AMMECR1: variants seen among roughly 807,000 people sequenced by gnomAD.
The protein encoded by AMMECR1 is AMMECR nuclear protein 1, also known as nuclear protein AMMECR1.
Under a neutral mutation model 22.5 loss-of-function variants are expected in AMMECR1, and 3 were observed. That is an observed-to-expected ratio of 0.13 (90% CI 0.06 to 0.35). The LOEUF (loss-of-function observed/expected upper bound fraction) is 0.35. Ranked by LOEUF, AMMECR1 falls within the 10% of genes least tolerant of loss-of-function variation. AMMECR1 has a pLI of 1.00. For synonymous variants in AMMECR1, 130 were observed against 116.7 expected, an observed-to-expected ratio of 1.11 and a Z score of -0.74; for missense variants, 235 against 278.7, an observed-to-expected ratio of 0.84 and a Z score of 1.12.
intron 2 of AMMECR1, among the ~76,000 whole-genome samples, chrX:110,420,011 G>T (rs2068705552): frequency 9.0e-6 from 1 of 111,483 alleles, no homozygotes; most frequent in African/African-American, 3.3e-5. Flanking sequence ...GTTAAGAAAA[G>T]TGCCCAAGGT....
rs755663770 is a variant in AMMECR1 at position 110,432,614 on chromosome X, G to A, written c.-293-5811C>T. ...TGTATTGTGTGCTGGCTGCAGCCTC[G>A]CTGCTCTGAAACCCCTCCTGTCCCT... On this transcript the variant is annotated intron_variant, in intron 1 of 7. Transcript: ENST00000372057. Among the ~76,000 whole-genome samples the A allele has an allele frequency of 4.5e-4, 50 of 111,900 alleles. 1 individual carries two copies. The highest frequency in any genetic ancestry group is 8.6e-4 in the Non-Finnish European group (46 of 53,182).
Position 110,197,914 on chromosome X carries a change from C to T in AMMECR1, c.*606G>A, listed in dbSNP as rs1273517798. 4 of 111,721 alleles carry T rather than the reference C, an allele frequency of 3.6e-5. No individual in the cohort carries two copies. The highest frequency in any genetic ancestry group is 7.5e-5 in the Non-Finnish European group (4 of 53,051). The allele number at this position is 111,721 out of a possible 1,213,427, so 9.2% of individuals were successfully genotyped here. A position where few individuals can be genotyped will look rare whatever the true frequency, so the allele number is the denominator to read the frequency against. On this transcript the variant is annotated 3_prime_UTR_variant, in exon 6 of 6. Transcript: ENST00000262844. ...TCATGTATTTTCACCATGGGAAAAA[C>T]ATATACTTAAGGAGTGAAGACCCAA...
intron 2 of AMMECR1, among the ~76,000 whole-genome samples, chrX:110,369,310 C>T (rs1023413455): frequency 1.4e-4 from 15 of 109,490 alleles, no homozygotes; most frequent in African/African-American, 5.0e-4. Flanking sequence ...ACAGCCTGGG[C>T]GACAGAGCAA....
At chrX:110,282,797 A>G (rs756430305) in intron 1 of AMMECR1, among the ~76,000 whole-genome samples, 82 of 111,781 alleles carry the variant, frequency 7.3e-4, no homozygotes, top group African/African-American at 2.4e-3. Context: ...CAAGGAGGAA[A>G]GCAAGCATTA....
At chrX:110,283,876 C>T (rs1038245092) in intron 1 of AMMECR1, among the ~76,000 whole-genome samples, 1 of 111,826 alleles carries the variant, frequency 8.9e-6, no homozygotes, top group Non-Finnish European at 1.9e-5. Context: ...AATCCCAATA[C>T]TTTGGGAGGC....
chrX:110,328,414 G>A (rs1029083838), intron 2 of AMMECR1, among the ~76,000 whole-genome samples: 20 of 102,026 alleles, frequency 2.0e-4, no homozygotes, highest in African/African-American at 5.4e-4. Context: ...TAAAACAAAC[G>A]TCTATTTCCT....
chrX:110,275,902 T>C (rs1347289292), intron 1 of AMMECR1, among the ~76,000 whole-genome samples: 2 of 111,674 alleles, frequency 1.8e-5, no homozygotes, highest in African/African-American at 6.5e-5. Flanking sequence ...TTTGGATACA[T>C]TGAGCTTCTT....
intron 2 of AMMECR1, chrX:110,359,027 T>C (rs1057246000): frequency 2.7e-5 from 3 of 112,026 alleles, no homozygotes; most frequent in Non-Finnish European, 5.6e-5. Context: ...CCTTTACATC[T>C]TATAACACTT....
At chrX:110,264,410 G>C in intron 2 of AMMECR1, 79 bp downstream of exon 2, 1 of 535,757 alleles carries the variant, frequency 1.9e-6, no homozygotes, top group South Asian at 3.4e-5. Context: ...TTCAGTAAAA[G>C]GAGTTAAAGT....
chrX:110,385,916 A>G (rs750549482), intron 2 of AMMECR1, among the ~76,000 whole-genome samples: 1 of 112,069 alleles, frequency 8.9e-6, no homozygotes, highest in Non-Finnish European at 1.9e-5. Context: ...AGAACATAGC[A>G]TAATGTTTTT....
chrX:110,379,746 A>G (rs2068405400), intron 2 of AMMECR1, among the ~76,000 whole-genome samples: 1 of 112,039 alleles, frequency 8.9e-6, no homozygotes, highest in Non-Finnish European at 1.9e-5. Context: ...TCATTTAGAC[A>G]GACTTCCCAA....
chrX:110,378,269 T>C (rs1450731148), intron 2 of AMMECR1, among the ~76,000 whole-genome samples: 1 of 111,165 alleles, frequency 9.0e-6, no homozygotes, highest in Non-Finnish European at 1.9e-5. Flanking sequence ...TTTTAATAGA[T>C]GTTTATTTTC....
chrX:110,230,394 G>C (rs1372793145), intron 2 of AMMECR1, among the ~76,000 whole-genome samples: 1 of 112,164 alleles, frequency 8.9e-6, no homozygotes, highest in Non-Finnish European at 1.9e-5. Context: ...ACAGGGTCTG[G>C]AGTGGAACTC....
At chrX:110,244,379 T>C (rs1602820451) in intron 2 of AMMECR1, among the ~76,000 whole-genome samples, 1 of 111,673 alleles carries the variant, frequency 9.0e-6, no homozygotes, top group Non-Finnish European at 1.9e-5. Flanking sequence ...TTCTCATATA[T>C]ATTTCTCTGT....
intron 2 of AMMECR1, among the ~76,000 whole-genome samples, chrX:110,375,827 G>C (rs1178424419): frequency 1.8e-5 from 2 of 112,002 alleles, no homozygotes; most frequent in Non-Finnish European, 3.8e-5. Context: ...AAAAGTATAA[G>C]ACATTTTGAG....
intron 3 of AMMECR1, among the ~76,000 whole-genome samples, chrX:110,210,350 G>A (rs2067441942): frequency 9.0e-6 from 1 of 111,064 alleles, no homozygotes; most frequent in Non-Finnish European, 1.9e-5. Flanking sequence ...GGGAAAATAT[G>A]TACTGTGAAA....
At chrX:110,322,309 GAGTGTTAT>G (rs2068082020), upstream of AMMECR1, among the ~76,000 whole-genome samples, 1 of 112,187 alleles carries the variant, frequency 8.9e-6, no homozygotes, top group African/African-American at 3.2e-5. Context: ...TGATCAAACA[GAGTGTTAT>G]TTGGGGCAGT....
intron 2 of AMMECR1, among the ~76,000 whole-genome samples, chrX:110,376,864 G>A (rs1047232555): frequency 1.8e-5 from 2 of 112,156 alleles, no homozygotes; most frequent in African/African-American, 6.5e-5. Context: ...AATGTTAACT[G>A]TTGGATGTGT....
intron 5 of AMMECR1, among the ~76,000 whole-genome samples, 164 bp downstream of exon 5, chrX:110,200,790 A>T (rs1296395134): frequency 8.9e-6 from 1 of 112,211 alleles, no homozygotes; most frequent in Non-Finnish European, 1.9e-5. Flanking sequence ...CTTTACTACG[A>T]AGCAGAGTTC....
Sources: allele counts gnomAD v4.1 joint callset (sites outside exome capture counted in the v4.1 genomes callset), GRCh38; gene constraint gnomAD v4.1.1; transcripts MANE v1.5; gene names NCBI Gene and HGNC (gene_info 2026-07-23, HGNC 2026-07-21).